CNTN1: variants seen among roughly 807,000 people sequenced by gnomAD.
CNTN1 encodes the protein contactin 1.
CNTN1 carries 38 observed loss-of-function variants against 126.4 expected under a neutral mutation model. The observed-to-expected ratio is 0.30, with a 90% CI of 0.23 to 0.39. The LOEUF (loss-of-function observed/expected upper bound fraction) is 0.39, where lower values mean the gene tolerates loss of function less well. Ranked by LOEUF, CNTN1 falls within the 10% of genes least tolerant of loss-of-function variation. The probability of loss-of-function intolerance (pLI) is 1.00; values close to 1 mark genes in which losing one functional copy is unlikely to be tolerated. For synonymous variants in CNTN1, 413 were observed against 422.6 expected (o/e 0.98, Z 0.28); for missense variants, 1,009 against 1,248.4 (o/e 0.81, Z 2.89).
intron 1 of CNTN1, among the ~76,000 whole-genome samples, chr12:40,711,547 CT>C (rs1321033589): frequency 3.3e-5 from 5 of 152,060 alleles, no homozygotes; most frequent in African/African-American, 1.2e-4. Context: ...CTCTCTTTAT[CT>C]TAAAAACAAT....
At chr12:40,721,221 C>T (rs1456134096) in intron 1 of CNTN1, among the ~76,000 whole-genome samples, 1 of 152,074 alleles carries the variant, frequency 6.6e-6, no homozygotes, top group Non-Finnish European at 1.5e-5. Context: ...CATTCCATCT[C>T]CGTCCTCTTT....
intron 23 of CNTN1, among the ~76,000 whole-genome samples, chr12:41,050,631 T>A (rs560438565): frequency 1.3e-5 from 2 of 152,344 alleles, no homozygotes; most frequent in Non-Finnish European, 2.9e-5. Flanking sequence ...ACCATTATCA[T>A]ATGCCTTGAT....
At chr12:40,707,042 T>G (rs10784806) in intron 1 of CNTN1, among the ~76,000 whole-genome samples, 130,278 of 149,258 alleles carry the variant, frequency 0.87, 56,512 homozygotes, top group East Asian at 1. Context: ...GCGCGCGCGC[T>G]TGCGCACACA....
intron 1 of CNTN1, among the ~76,000 whole-genome samples, chr12:40,827,867 T>G (rs911611868): frequency 6.6e-6 from 1 of 152,214 alleles, no homozygotes; most frequent in African/African-American, 2.4e-5. Flanking sequence ...AAGATTTTAA[T>G]GCATGAATTA....
intron 14 of CNTN1, among the ~76,000 whole-genome samples, chr12:40,956,258 C>T (rs1275230421): frequency 6.6e-6 from 1 of 152,046 alleles, no homozygotes; most frequent in Non-Finnish European, 1.5e-5. Flanking sequence ...CAGCTGTATA[C>T]ATATATAACA....
intron 1 of CNTN1, among the ~76,000 whole-genome samples, chr12:40,860,110 G>T (rs1473324440): frequency 1.3e-5 from 2 of 151,894 alleles, no homozygotes; most frequent in African/African-American, 4.8e-5. Context: ...TCAGAAATCG[G>T]ATTTTTAAAC....
chr12:40,959,384 C>T, intron 15 of CNTN1, 150 bp downstream of exon 15: 1 of 842,286 alleles, frequency 1.2e-6, no homozygotes. Flanking sequence ...CTTCCCATGC[C>T]TAAGAATGAT....
chr12:40,719,902 ATCACGGC>A (rs1942149287), intron 1 of CNTN1, among the ~76,000 whole-genome samples: 1 of 151,934 alleles, frequency 6.6e-6, no homozygotes, highest in African/African-American at 2.4e-5. Flanking sequence ...CAGTGGCGCG[ATCACGGC>A]TCACTGCAAG....
chr12:41,028,197 A>G (rs1005023243), intron 22 of CNTN1, among the ~76,000 whole-genome samples: 1 of 151,962 alleles, frequency 6.6e-6, no homozygotes, highest in African/African-American at 2.4e-5. Flanking sequence ...ACACCCGGCT[A>G]ATTTTTGTAT....
At chr12:40,919,962 A>C (rs1945379132) in intron 4 of CNTN1, among the ~76,000 whole-genome samples, 1 of 152,146 alleles carries the variant, frequency 6.6e-6, no homozygotes, top group Non-Finnish European at 1.5e-5. Flanking sequence ...TGTAGAGGAG[A>C]TCCAATCCAA....
chr12:40,980,101 T>C (rs1947779975), intron 15 of CNTN1, among the ~76,000 whole-genome samples: 1 of 152,156 alleles, frequency 6.6e-6, no homozygotes, highest in Non-Finnish European at 1.5e-5. Flanking sequence ...AAATTTCCAC[T>C]TCAAGTAAAA....
intron 14 of CNTN1, 25 bp downstream of exon 14, chr12:40,944,195 T>G: frequency 6.4e-7 from 1 of 1,564,940 alleles, no homozygotes; most frequent in Non-Finnish European, 8.8e-7. Flanking sequence ...TTTCATCTTA[T>G]TAACACCCCA....
intron 1 of CNTN1, among the ~76,000 whole-genome samples, chr12:40,851,339 C>T (rs906863234): frequency 4.6e-5 from 7 of 152,178 alleles, no homozygotes; most frequent in Admixed American, 4.6e-4. Flanking sequence ...GGATGAAAGC[C>T]CTAGTTTAGA....
intron 15 of CNTN1, among the ~76,000 whole-genome samples, chr12:40,962,099 C>A (rs1947124521): frequency 6.6e-6 from 1 of 152,012 alleles, no homozygotes; most frequent in African/African-American, 2.4e-5. Flanking sequence ...AAAATTATTT[C>A]TGTGTATAAA....
chr12:40,835,504 G>A (rs572078210), intron 1 of CNTN1, among the ~76,000 whole-genome samples: 59 of 151,720 alleles, frequency 3.9e-4, no homozygotes, highest in African/African-American at 1.4e-3. Context: ...TATTTTTCTG[G>A]TACTGTCAAC....
intron 1 of CNTN1, among the ~76,000 whole-genome samples, chr12:40,734,507 T>A (rs1411130753): frequency 6.6e-6 from 1 of 152,124 alleles, no homozygotes; most frequent in East Asian, 1.9e-4. Context: ...GCTTCTGCAC[T>A]GAGACATTTA....
At chr12:40,967,487 AAAC>A (rs1947350211) in intron 15 of CNTN1, among the ~76,000 whole-genome samples, 2 of 152,038 alleles carry the variant, frequency 1.3e-5, no homozygotes, top group African/African-American at 4.8e-5. Context: ...CAAAAAAACA[AAAC>A]AAAACAAACA....
intron 15 of CNTN1, chr12:40,972,703 A>G (rs1947557039): frequency 1.1e-6 from 1 of 952,158 alleles, no homozygotes; most frequent in South Asian, 4.9e-5. Context: ...AACTTAGACT[A>G]GAGATCCAGA....
Position 40,928,204 on chromosome 12 carries a change from T to C in CNTN1, c.497-1592T>C, listed in dbSNP as rs565762324. Among the ~76,000 whole-genome samples, 5 of 152,138 alleles carry C rather than the reference T, an allele frequency of 3.3e-5. No individual in the cohort carries two copies. The South Asian group carries it at 1.0e-3, about 32-fold the overall frequency. ...GGATTTAATTTTTAACAGAAATCCT[T>C]ACAAAATTTGGATTTACATTTCAAC... On this transcript the variant is annotated intron_variant, in intron 6 of 23. Transcript: ENST00000551295.
Sources: allele counts gnomAD v4.1 joint callset (sites outside exome capture counted in the v4.1 genomes callset), GRCh38; gene constraint gnomAD v4.1.1; transcripts MANE v1.5; gene names NCBI Gene and HGNC (gene_info 2026-07-23, HGNC 2026-07-21).